MAF: variants seen among roughly 807,000 people sequenced by gnomAD.
MAF encodes the protein transcription factor Maf.
MAF carries 10 observed loss-of-function variants against 22.0 expected under a neutral mutation model. That is an observed-to-expected ratio of 0.45 (90% CI 0.28 to 0.77). MAF has a LOEUF of 0.77. Ranked by LOEUF, MAF falls within the 30% of genes least tolerant of loss-of-function variation. The pLI is 0.12. For missense variants in MAF, 544 were observed against 548.4 expected (o/e 0.99, Z 0.08); for synonymous variants, 337 against 255.8 (o/e 1.32, Z -3.03).
chr16:79,577,508 A>T, the MAF span, among the ~76,000 whole-genome samples: 3 of 152,138 alleles, frequency 2.0e-5, no homozygotes, highest in Non-Finnish European at 4.4e-5. Context: ...GATGGCATAG[A>T]TCTGGTGTCC....
the MAF span, among the ~76,000 whole-genome samples, chr16:79,445,851 G>C: frequency 6.6e-6 from 1 of 152,150 alleles, no homozygotes; most frequent in Non-Finnish European, 1.5e-5. Flanking sequence ...TTTCAAACCA[G>C]CTTTTAGCCT....
the MAF span, among the ~76,000 whole-genome samples, chr16:79,493,121 C>T: frequency 4.3e-5 from 4 of 92,702 alleles, no homozygotes; most frequent in South Asian, 2.0e-3. Context: ...CCATGCTCAG[C>T]TAATCTTTCT....
chr16:79,315,719 GA>G, the MAF span, among the ~76,000 whole-genome samples: 3 of 152,220 alleles, frequency 2.0e-5, no homozygotes, highest in Non-Finnish European at 2.9e-5. Flanking sequence ...TATAGATGAA[GA>G]AGGTGAGGGG....
chr16:79,440,879 A>T, the MAF span, among the ~76,000 whole-genome samples: 2,572 of 152,332 alleles, frequency 0.017, 84 homozygotes, highest in African/African-American at 0.059. Context: ...GACAGGAACA[A>T]GTGGCCCAAA....
At chr16:79,596,988 A>T (rs1301575166) in intron 1 of MAF, 4 of 1,053,388 alleles carry the variant, frequency 3.8e-6, no homozygotes, top group Non-Finnish European at 4.6e-6. Context: ...TTGAATGTAA[A>T]ATACCCCTAC....
chr16:79,402,039 T>A, the MAF span, among the ~76,000 whole-genome samples: 15 of 152,182 alleles, frequency 9.9e-5, no homozygotes, highest in Non-Finnish European at 1.6e-4. Flanking sequence ...ACTAAGTGGC[T>A]AGAAACATGG....
chr16:79,356,718 G>A, the MAF span, among the ~76,000 whole-genome samples: 3 of 152,216 alleles, frequency 2.0e-5, no homozygotes, highest in East Asian at 3.9e-4. Context: ...TGTTTGCAGG[G>A]ACATCTTCCT....
the MAF span, among the ~76,000 whole-genome samples, chr16:79,254,542 G>A: frequency 6.6e-6 from 1 of 152,148 alleles, no homozygotes; most frequent in Admixed American, 6.5e-5. Context: ...TTGCCTACAG[G>A]TGGAATGACT....
the MAF span, among the ~76,000 whole-genome samples, chr16:79,572,446 C>G: frequency 6.6e-6 from 1 of 152,146 alleles, no homozygotes; most frequent in African/African-American, 2.4e-5. Flanking sequence ...TGCCACAGCT[C>G]AATGAACAAT....
the MAF span, among the ~76,000 whole-genome samples, chr16:79,554,113 A>G: frequency 7.6e-6 from 1 of 131,330 alleles, no homozygotes; most frequent in African/African-American, 2.8e-5. Flanking sequence ...AAACAAACAA[A>G]CAAACAAACA....
At chr16:79,231,810 A>C in the MAF span, among the ~76,000 whole-genome samples, 4 of 152,072 alleles carry the variant, frequency 2.6e-5, no homozygotes, top group Admixed American at 2.0e-4. Flanking sequence ...TATTTCTATT[A>C]TTATTACATT....
the MAF span, among the ~76,000 whole-genome samples, chr16:79,325,858 C>T: frequency 6.6e-6 from 1 of 152,192 alleles, no homozygotes; most frequent in Non-Finnish European, 1.5e-5. Flanking sequence ...TGAAATGATA[C>T]AGACGGCCCC....
the MAF span, among the ~76,000 whole-genome samples, chr16:79,500,461 C>T: frequency 2.6e-5 from 4 of 152,170 alleles, no homozygotes; most frequent in Non-Finnish European, 4.4e-5. Flanking sequence ...AGCGCAGACA[C>T]CATGTGTCAT....
At chr16:79,259,760 A>T in the MAF span, among the ~76,000 whole-genome samples, 1 of 152,232 alleles carries the variant, frequency 6.6e-6, no homozygotes, top group Non-Finnish European at 1.5e-5. Context: ...GTGGGGACAG[A>T]CATGACACAA....
chr16:79,224,107 C>T, the MAF span, among the ~76,000 whole-genome samples: 1 of 152,242 alleles, frequency 6.6e-6, no homozygotes, highest in South Asian at 2.1e-4. Flanking sequence ...TGCGAAAATC[C>T]TCAATAAAAT....
chr16:79,599,107 G>GTA lies in MAF; in HGVS notation c.795_796insTA (p.Leu266TyrfsTer3). ...AGCTCGCGCACAGACATGGTCACCA[G>GTA]CTGCTCGTCGGAGAAGCGGTCGTCG... is the stretch of plus-strand genomic sequence containing the variant. On this transcript the variant is annotated frameshift_variant, in exon 1 of 2. Coordinates refer to ENST00000326043, the MANE Select transcript of MAF (RefSeq NM_005360.5). LOFTEE classifies it high-confidence loss of function. 4 of 1,602,596 alleles carry GTA rather than the reference G, an allele frequency of 2.5e-6. No homozygotes were observed. Among genetic ancestry groups the GTA allele is most frequent in the Admixed American group, 3.3e-5 (2 of 59,768 alleles).
the MAF span, among the ~76,000 whole-genome samples, chr16:79,494,486 A>G: frequency 6.6e-6 from 1 of 152,250 alleles, no homozygotes; most frequent in East Asian, 1.9e-4. Context: ...ACCACACCCA[A>G]GACAGTTTCT....
the MAF span, chr16:79,205,262 C>G: frequency 4.6e-5 from 7 of 152,198 alleles, no homozygotes; most frequent in African/African-American, 1.4e-4. Context: ...ACTTTACTCT[C>G]TCTGAGCCAC....
chr16:79,598,025 T>TG, intron 1 of MAF: 1 of 1,042,840 alleles, frequency 9.6e-7, no homozygotes, highest in Non-Finnish European at 1.2e-6. Context: ...GAGGATTTTT[T>TG]TCTCTATTTT....
Sources: allele counts gnomAD v4.1 joint callset (sites outside exome capture counted in the v4.1 genomes callset), GRCh38; gene constraint gnomAD v4.1.1; transcripts MANE v1.5; gene names NCBI Gene and HGNC (gene_info 2026-07-23, HGNC 2026-07-21).